CLASP2: variants seen among roughly 807,000 people sequenced by gnomAD.
CLASP2 encodes the protein CLIP-associating protein 2.
In CLASP2, 47 loss-of-function variants were observed where a neutral mutation model predicts 194.4. The observed-to-expected ratio is 0.24, with a 90% CI of 0.19 to 0.31. The LOEUF (loss-of-function observed/expected upper bound fraction) is 0.31, where lower values mean the gene tolerates loss of function less well. CLASP2 is among the 10% of genes least tolerant of loss of function. CLASP2 has a pLI of 1.00. For synonymous variants in CLASP2, 619 were observed against 633.5 expected (o/e 0.98, Z 0.34); for missense variants, 1,445 against 1,823.6 (o/e 0.79, Z 3.78).
intron 21 of CLASP2, chr3:33,588,791 C>G (rs185094450): frequency 1.4e-6 from 1 of 696,742 alleles, no homozygotes; most frequent in East Asian, 2.7e-5. Flanking sequence ...AGGGAAGGAG[C>G]AGTTTTTAAA....
intron 21 of CLASP2, chr3:33,588,618 A>G (rs2067959607): frequency 1.5e-6 from 1 of 678,382 alleles, no homozygotes; most frequent in Non-Finnish European, 2.7e-6. Flanking sequence ...TATGACGTTA[A>G]GAATTTCTGC....
chr3:33,590,098 T>C (rs917697711), intron 21 of CLASP2, among the ~76,000 whole-genome samples: 1 of 152,156 alleles, frequency 6.6e-6, no homozygotes, highest in East Asian at 1.9e-4. Context: ...TTTTAAATTT[T>C]AAAAAATTAA....
At position 33,530,137 on chromosome 3, in the gene CLASP2, A is replaced by G. The variant is rs1262956968; in HGVS notation, c.3787+5096T>C. Among the ~76,000 whole-genome samples, 3 of 152,144 alleles carry G rather than the reference A, an allele frequency of 2.0e-5. No individual in the cohort carries two copies. In the East Asian group the frequency reaches 5.8e-4, roughly 29 times the overall value. ...AATTAACTTAAAAAAAAAAATAAGT[A>G]TGAGTACACTCTAAAATAGTGATGA... On this transcript the variant is annotated intron_variant, in intron 34 of 38. Coordinates refer to ENST00000682230, the MANE Select transcript of CLASP2 (RefSeq NM_001365631.1).
intron 1 of CLASP2, among the ~76,000 whole-genome samples, chr3:33,703,925 C>T (rs115971914): frequency 1.2e-4 from 19 of 152,298 alleles, no homozygotes; most frequent in African/African-American, 4.6e-4. Flanking sequence ...AATGAGCTAT[C>T]AAGGCATGAA....
chr3:33,616,556 T>G (rs1046172120), intron 12 of CLASP2, among the ~76,000 whole-genome samples: 7 of 152,234 alleles, frequency 4.6e-5, no homozygotes, highest in African/African-American at 1.4e-4. Flanking sequence ...GGCTATCTGA[T>G]AAAATTCAAC....
Position 33,496,617 on chromosome 3 carries a change from A to G in CLASP2, c.*2014T>C, listed in dbSNP as rs1009106418. ...CCATTAGATGCCAGGTGCTTATCTAATTTTCCAGTTAGTTACTGTTCAGCT... is the reference window on the plus strand; with the variant it reads ...CCATTAGATGCCAGGTGCTTATCTAGTTTTCCAGTTAGTTACTGTTCAGCT... On this transcript the variant is annotated 3_prime_UTR_variant, in exon 39 of 39. Transcript: ENST00000682230. 2.6e-5 allele frequency: 4 copies of G among 152,082 alleles called. No homozygotes were observed. Among genetic ancestry groups the G allele is most frequent in the Non-Finnish European group, 5.9e-5 (4 of 67,994 alleles). The allele number at this position is 152,082 out of a possible 1,614,324, so 9.4% of individuals were successfully genotyped here. A position where few individuals can be genotyped will look rare whatever the true frequency, so the allele number is the denominator to read the frequency against.
intron 1 of CLASP2, among the ~76,000 whole-genome samples, chr3:33,710,778 T>C (rs931502374): frequency 1.3e-5 from 2 of 151,840 alleles, no homozygotes; most frequent in African/African-American, 4.8e-5. Context: ...CTACTAAAAA[T>C]ACAAAAATTA....
intron 22 of CLASP2, among the ~76,000 whole-genome samples, chr3:33,584,314 G>C (rs548377935): frequency 7.1e-6 from 1 of 140,462 alleles, no homozygotes; most frequent in Non-Finnish European, 1.5e-5. Context: ...CAGAGTCTCC[G>C]TTGCCCAGGC....
At chr3:33,537,691 CTTGCATACAAGAGAAATAAAACAT>C (rs2057622588) in intron 33 of CLASP2, among the ~76,000 whole-genome samples, 1 of 152,100 alleles carries the variant, frequency 6.6e-6, no homozygotes, top group South Asian at 2.1e-4. Context: ...GAGTCAGTTA[CTTGCATACAAGAGAAATAAAACAT>C]TTGCCACATT....
At chr3:33,603,253 C>T in intron 17 of CLASP2, 128 bp from the exon 18 acceptor site, 1 of 952,406 alleles carries the variant, frequency 1.0e-6, no homozygotes, top group Non-Finnish European at 1.5e-6. Context: ...GCCAAATGGA[C>T]AGTACTATTA....
intron 33 of CLASP2, among the ~76,000 whole-genome samples, chr3:33,537,355 C>T (rs1193549130): frequency 6.6e-6 from 1 of 152,118 alleles, no homozygotes; most frequent in East Asian, 1.9e-4. Flanking sequence ...CAGATAGGCA[C>T]AGTGAGAAAA....
At chr3:33,537,957 C>A (rs905841550) in intron 33 of CLASP2, among the ~76,000 whole-genome samples, 2 of 152,086 alleles carry the variant, frequency 1.3e-5, no homozygotes, top group East Asian at 1.9e-4. Flanking sequence ...CTGGCTAACA[C>A]GGTGAAACCT....
chr3:33,611,637 A>G (rs2075203837), intron 13 of CLASP2, among the ~76,000 whole-genome samples: 1 of 152,148 alleles, frequency 6.6e-6, no homozygotes, highest in Non-Finnish European at 1.5e-5. Flanking sequence ...TAGCTCTACT[A>G]ACCTATGCAG....
intron 1 of CLASP2, among the ~76,000 whole-genome samples, chr3:33,701,346 A>G (rs1313978370): frequency 1.3e-5 from 2 of 152,354 alleles, no homozygotes; most frequent in South Asian, 2.1e-4. Context: ...TAAGAGGCAC[A>G]TGCCTGTAAT....
rs527826645 is a variant in CLASP2, at chr3:33,632,857, G to A, written c.863-486C>T. Among the ~76,000 whole-genome samples, 3 of 152,240 alleles carry A rather than the reference G, an allele frequency of 2.0e-5. No individual in the cohort carries two copies. The East Asian group carries it at 5.8e-4, about 29-fold the overall frequency. ...CATTGACAATAAAAAAGTAAACTTA[G>A]TAGGCAGTAGTTATTGAAGAGCCAA... On this transcript the variant is annotated intron_variant, in intron 8 of 38. Transcript: ENST00000682230.
chr3:33,647,050 A>G (rs2082390093), intron 7 of CLASP2, among the ~76,000 whole-genome samples: 1 of 152,172 alleles, frequency 6.6e-6, no homozygotes. Context: ...AAAGTACCAC[A>G]ATTTATTAAT....
intron 8 of CLASP2, among the ~76,000 whole-genome samples, chr3:33,632,942 G>A (rs2079374435): frequency 6.6e-6 from 1 of 152,138 alleles, no homozygotes; most frequent in African/African-American, 2.4e-5. Context: ...GCTTTAAGAT[G>A]CTGAACCTAG....
intron 34 of CLASP2, among the ~76,000 whole-genome samples, chr3:33,526,805 T>C (rs941458915): frequency 2.0e-5 from 3 of 151,976 alleles, no homozygotes; most frequent in Non-Finnish European, 2.9e-5. Flanking sequence ...ACAATAAAAA[T>C]AGAAGTCAAG....
chr3:33,529,980 G>A (rs1306587721), intron 34 of CLASP2, among the ~76,000 whole-genome samples: 5 of 76,832 alleles, frequency 6.5e-5, no homozygotes, highest in Admixed American at 2.4e-4. Context: ...GCGAGACTCC[G>A]TCTCAAAAAA....
Sources: gnomAD v4.1 joint callset for allele counts (sites outside exome capture counted in the v4.1 genomes callset) on GRCh38, gnomAD v4.1.1 for gene constraint, MANE v1.5 for transcripts, NCBI Gene and HGNC (gene_info 2026-07-23, HGNC 2026-07-21) for gene names.